The following SLIT3 variants were observed in gnomAD, a reference collection of about 807,000 sequenced individuals.
SLIT3 encodes the protein slit guidance ligand 3, also known as slit homolog 3 protein.
SLIT3 carries 68 observed loss-of-function variants against 184.0 expected under a neutral mutation model. The ratio of observed to expected loss-of-function variants is 0.37; its 90% CI spans 0.30 to 0.45. The LOEUF (loss-of-function observed/expected upper bound fraction) is 0.45. SLIT3 is among the 20% of genes least tolerant of loss of function. The pLI, the probability that SLIT3 is intolerant of heterozygous loss-of-function variation, is 1.00. For synonymous variants in SLIT3, 831 were observed against 828.6 expected (o/e 1.00, Z -0.05); for missense variants, 1,707 against 2,026.0 (o/e 0.84, Z 3.02).
chr5:169,192,423 C>CTCTGTG (rs1044234461), intron 4 of SLIT3, among the ~76,000 whole-genome samples: 5 of 148,278 alleles, frequency 3.4e-5, no homozygotes, highest in African/African-American at 7.5e-5. Context: ...TATATAGTCT[C>CTCTGTG]TGTGTGTGTG....
intron 4 of SLIT3, among the ~76,000 whole-genome samples, chr5:169,029,629 G>A (rs1207576928): frequency 2.0e-5 from 3 of 152,170 alleles, no homozygotes; most frequent in African/African-American, 7.2e-5. Context: ...GAAATAAACT[G>A]GAACTCGATT....
rs565502790 is a variant in SLIT3 at position 168,901,964 on chromosome 5, C to T, written c.414-18628G>A. 2.4e-3 allele frequency among the ~76,000 whole-genome samples: 371 copies of T among 152,244 alleles called. 3 individuals are homozygous for T. The highest frequency in any genetic ancestry group is 7.6e-3 in the African/African-American group (314 of 41,558). ...TCACCCAGGTTGGAGTGCAGTGGCG[C>T]GATCTCGGCTCACTGCAACCTCTGC... On this transcript the variant is annotated intron_variant, in intron 4 of 35. Transcript: ENST00000519560.
rs77891985 is a variant in SLIT3, at chr5:169,009,446, C to A, written c.414-126110G>T. On this transcript the variant is annotated intron_variant, in intron 4 of 35. Transcript: ENST00000519560. Reference sequence around the variant, plus strand: ...CCCTCCTCGCCGAAAAGCAAGCACGCTGTGTAGTCACCAGCTCTTTCCAGG... The same window carrying A: ...CCCTCCTCGCCGAAAAGCAAGCACGATGTGTAGTCACCAGCTCTTTCCAGG... 1.9e-4 allele frequency among the ~76,000 whole-genome samples: 29 copies of A among 152,362 alleles called. No individual in the cohort carries two copies. The East Asian group carries it at 4.8e-3, about 25-fold the overall frequency.
chr5:168,896,723 T>C (rs537696468), intron 4 of SLIT3, among the ~76,000 whole-genome samples: 1 of 152,282 alleles, frequency 6.6e-6, no homozygotes, highest in South Asian at 2.1e-4. Flanking sequence ...CAGCAATTGC[T>C]GTGCAGAGGA....
At chr5:169,073,250 T>G (rs1758617992) in intron 4 of SLIT3, among the ~76,000 whole-genome samples, 1 of 152,114 alleles carries the variant, frequency 6.6e-6, no homozygotes, top group African/African-American at 2.4e-5. Flanking sequence ...CATTAGCACA[T>G]TAAAAGAGTA....
chr5:168,747,004 G>A (rs1345736803), intron 20 of SLIT3, among the ~76,000 whole-genome samples: 1 of 151,164 alleles, frequency 6.6e-6, no homozygotes, highest in Non-Finnish European at 1.5e-5. Context: ...GGTGTGTGGT[G>A]TGGTGGTGTG....
chr5:168,678,845 C>T lies in SLIT3; in HGVS notation c.3686+5121G>A, dbSNP rs377485534. 3.9e-3 allele frequency among the ~76,000 whole-genome samples: 592 copies of T among 152,206 alleles called. 2 individuals carry two copies. Among genetic ancestry groups the T allele is most frequent in the Middle Eastern group, 0.024 (7 of 294 alleles). On this transcript the variant is annotated intron_variant, in intron 32 of 35. Transcript: ENST00000519560. ...GAAATGATGATATAGTGGTCCCAAG[C>T]CCCAATGATTAGTCTCCTGGAGAGA...
intron 4 of SLIT3, 57 bp from the exon 5 acceptor site, chr5:168,883,393 A>G: frequency 7.7e-7 from 1 of 1,291,178 alleles, no homozygotes; most frequent in Non-Finnish European, 1.1e-6. Context: ...CTTGATCTGC[A>G]TCTCATTAAA....
chr5:168,894,302 C>G (rs12654173), intron 4 of SLIT3, among the ~76,000 whole-genome samples: 1 of 152,152 alleles, frequency 6.6e-6, no homozygotes, highest in East Asian at 1.9e-4. Flanking sequence ...TTATTAGCTT[C>G]GTGTAGGCAG....
intron 20 of SLIT3, among the ~76,000 whole-genome samples, chr5:168,741,031 T>C (rs1179980319): frequency 6.6e-6 from 1 of 152,034 alleles, no homozygotes; most frequent in Non-Finnish European, 1.5e-5. Context: ...ACACAGAACT[T>C]CCAGGGCATG....
intron 14 of SLIT3, among the ~76,000 whole-genome samples, chr5:168,768,451 A>G (rs1366826050): frequency 6.6e-6 from 1 of 152,170 alleles, no homozygotes. Context: ...GGAAGGGAGA[A>G]GAACGGGAGG....
chr5:168,934,849 G>C (rs1379204247), intron 4 of SLIT3, among the ~76,000 whole-genome samples: 1 of 151,770 alleles, frequency 6.6e-6, no homozygotes, highest in Non-Finnish European at 1.5e-5. Flanking sequence ...AAACAAGAAG[G>C]CTGGGCGCGG....
At chr5:168,914,777 A>G (rs79458801) in intron 4 of SLIT3, among the ~76,000 whole-genome samples, 10,170 of 152,156 alleles carry the variant, frequency 0.067, 951 homozygotes, top group African/African-American at 0.2. Context: ...TACTCACAGG[A>G]ACATGGCAGA....
chr5:168,835,537 G>A (rs563019041), intron 6 of SLIT3, among the ~76,000 whole-genome samples: 14 of 151,676 alleles, frequency 9.2e-5, no homozygotes, highest in African/African-American at 2.7e-4. Context: ...TACTGGGTGC[G>A]GTGACTCATG....
chr5:169,099,659 TC>T (rs1759932836), intron 4 of SLIT3, among the ~76,000 whole-genome samples: 1 of 152,192 alleles, frequency 6.6e-6, no homozygotes, highest in Non-Finnish European at 1.5e-5. Context: ...CAGTCTGCCT[TC>T]CCAGCTCATC....
intron 3 of SLIT3, among the ~76,000 whole-genome samples, chr5:169,223,310 G>A (rs1362926380): frequency 2.6e-5 from 4 of 152,200 alleles, no homozygotes; most frequent in Non-Finnish European, 5.9e-5. Flanking sequence ...GGTAAAGAAC[G>A]AGTGACTGAA....
intron 1 of SLIT3, among the ~76,000 whole-genome samples, chr5:169,274,075 G>C (rs946317573): frequency 6.6e-6 from 1 of 152,204 alleles, no homozygotes; most frequent in Non-Finnish European, 1.5e-5. Flanking sequence ...CGGACCAGCA[G>C]TATCAGCATC....
chr5:169,101,927 T>C (rs999581671), intron 4 of SLIT3, among the ~76,000 whole-genome samples: 2 of 152,222 alleles, frequency 1.3e-5, no homozygotes, highest in Non-Finnish European at 2.9e-5. Context: ...TCCCCTCTAC[T>C]CCAGACTGGA....
intron 4 of SLIT3, among the ~76,000 whole-genome samples, chr5:168,944,252 C>T (rs777567031): frequency 1.3e-5 from 2 of 151,916 alleles, no homozygotes; most frequent in African/African-American, 2.4e-5. Context: ...ACCAATGGGG[C>T]GGGGAGAGTC....
Sources: gnomAD v4.1 joint callset for allele counts (sites outside exome capture counted in the v4.1 genomes callset) on GRCh38, gnomAD v4.1.1 for gene constraint, MANE v1.5 for transcripts, NCBI Gene and HGNC (gene_info 2026-07-23, HGNC 2026-07-21) for gene names.